The following SMARCC1 variants were observed in gnomAD, a reference collection of about 807,000 sequenced individuals.
SMARCC1 encodes SWI/SNF related BAF chromatin remodeling complex subunit C1.
In SMARCC1, 43 loss-of-function variants were observed where a neutral mutation model predicts 147.4. The observed-to-expected ratio is 0.29, with a 90% CI of 0.23 to 0.38. The LOEUF is 0.38. Ranked by LOEUF, SMARCC1 falls within the 10% of genes least tolerant of loss-of-function variation. The probability of loss-of-function intolerance (pLI) is 1.00; values close to 1 mark genes in which losing one functional copy is unlikely to be tolerated. For missense variants in SMARCC1, 1,119 were observed against 1,381.1 expected (o/e 0.81, Z 3.01); for synonymous variants, 495 against 484.4 (o/e 1.02, Z -0.29).
chr3:47,725,845 T>C (rs1408565606), intron 6 of SMARCC1, among the ~76,000 whole-genome samples: 2 of 150,214 alleles, frequency 1.3e-5, no homozygotes, highest in East Asian at 4.1e-4. Flanking sequence ...GTGAATCACC[T>C]GAGGTCAGGA....
chr3:47,761,161 G>T (rs1463968875), intron 2 of SMARCC1, among the ~76,000 whole-genome samples: 1 of 152,044 alleles, frequency 6.6e-6, no homozygotes, highest in Non-Finnish European at 1.5e-5. Flanking sequence ...GAAAAGCCAG[G>T]CGTGGTGGAA....
intron 14 of SMARCC1, among the ~76,000 whole-genome samples, chr3:47,682,125 C>G (rs149845853): frequency 2.0e-5 from 3 of 151,438 alleles, no homozygotes; most frequent in East Asian, 3.9e-4. Flanking sequence ...GAAACCCCGT[C>G]TCTACTAAAA....
At chr3:47,593,285 C>T (rs1233849401) in intron 26 of SMARCC1, among the ~76,000 whole-genome samples, 2 of 151,866 alleles carry the variant, frequency 1.3e-5, no homozygotes, top group African/African-American at 2.4e-5. Context: ...AATTCTTCTG[C>T]CTCAGCCGCC....
intron 2 of SMARCC1, among the ~76,000 whole-genome samples, chr3:47,749,794 G>A (rs940636998): frequency 1.3e-5 from 2 of 149,676 alleles, no homozygotes; most frequent in African/African-American, 4.9e-5. Flanking sequence ...AGAGGGAGGG[G>A]GCAGGCAAAT....
intron 21 of SMARCC1, among the ~76,000 whole-genome samples, chr3:47,651,662 T>C (rs527697531): frequency 2.0e-5 from 3 of 152,336 alleles, no homozygotes; most frequent in South Asian, 4.1e-4. Flanking sequence ...TTCCCACACT[T>C]TACTCATATC....
At chr3:47,661,604 G>A (rs2033348336) in intron 20 of SMARCC1, 149 bp from the exon 21 acceptor site, 2 of 541,724 alleles carry the variant, frequency 3.7e-6, no homozygotes, top group Non-Finnish European at 6.4e-6. Context: ...CCAGAAAAAT[G>A]AGAGGACTAA....
chr3:47,652,165 G>A (rs1160024031), intron 21 of SMARCC1, among the ~76,000 whole-genome samples: 2 of 151,974 alleles, frequency 1.3e-5, no homozygotes, highest in Non-Finnish European at 2.9e-5. Context: ...TTGTAGAGAT[G>A]GGGTCTTGCT....
Position 47,671,359 on chromosome 3 carries a change from C to T in SMARCC1, c.1840-642G>A, listed in dbSNP as rs149268811. 1.7e-3 allele frequency among the ~76,000 whole-genome samples: 260 copies of T among 152,154 alleles called. 3 individuals carry two copies. The South Asian group carries it at 0.032, about 19-fold the overall frequency. On this transcript the variant is annotated intron_variant, in intron 18 of 27. Transcript: ENST00000254480. ...ATACCATAAATCAGCTGTAATATCA[C>T]AAACATAGTACACATCTTGGTAATA...
chr3:47,716,027 CTA>C (rs751983530), intron 7 of SMARCC1, among the ~76,000 whole-genome samples: 1 of 151,346 alleles, frequency 6.6e-6, no homozygotes, highest in Non-Finnish European at 1.5e-5. Flanking sequence ...GTGAATATCA[CTA>C]TACTGACCAG....
intron 26 of SMARCC1, among the ~76,000 whole-genome samples, chr3:47,594,236 T>G (rs928619659): frequency 1.3e-5 from 2 of 152,098 alleles, no homozygotes; most frequent in African/African-American, 4.8e-5. Flanking sequence ...ACATCAACAT[T>G]ATGACCCAGA....
rs993608289 is a variant in SMARCC1, at chr3:47,769,667, G to C, written c.315+3150C>G. On this transcript the variant is annotated intron_variant, in intron 2 of 27. Coordinates refer to ENST00000254480, the MANE Select transcript of SMARCC1 (RefSeq NM_003074.4). Reference sequence around the variant, plus strand: ...AATATTTCCTGACATCACCAAGTAAGTCAAAGGCTCTACTCACACAGCTCA... The same window carrying C: ...AATATTTCCTGACATCACCAAGTAACTCAAAGGCTCTACTCACACAGCTCA... Among the ~76,000 whole-genome samples the C allele has an allele frequency of 3.9e-5, 6 of 152,208 alleles. No homozygotes were observed. The South Asian group carries it at 1.2e-3, about 32-fold the overall frequency.
At chr3:47,608,598 C>A (rs2032514755) in intron 26 of SMARCC1, among the ~76,000 whole-genome samples, 1 of 152,040 alleles carries the variant, frequency 6.6e-6, no homozygotes, top group Non-Finnish European at 1.5e-5. Context: ...GTAATCCCAG[C>A]ACTTTGGAAG....
intron 19 of SMARCC1, among the ~76,000 whole-genome samples, chr3:47,664,228 A>G (rs1451245324): frequency 6.6e-6 from 1 of 151,808 alleles, no homozygotes; most frequent in Non-Finnish European, 1.5e-5. Flanking sequence ...TGAGATACTT[A>G]GGAGGAATAA....
chr3:47,663,630 C>T (rs1346441584), intron 19 of SMARCC1: 2 of 1,508,190 alleles, frequency 1.3e-6, no homozygotes, highest in South Asian at 1.1e-5. Context: ...GACTCCGGCC[C>T]TGTGATTCCA....
Position 47,706,584 on chromosome 3 carries a change from A to G in SMARCC1, c.919-54T>C, listed in dbSNP as rs1031708936. 2.5e-5 allele frequency: 36 copies of G among 1,464,080 alleles called. No homozygotes were observed. The South Asian group carries it at 2.5e-4, about 10-fold the overall frequency. 90.7% of individuals were successfully genotyped at this position (1,464,080 alleles called of 1,614,324 possible). The stretch of plus-strand genomic sequence containing the variant: ...CAGCTATCTTTGCTCCTCAGTTTCT[A>G]CAAATCCTTGGCAAAAGGTGAATCT... On this transcript the variant is annotated intron_variant, in intron 9 of 27. Transcript: ENST00000254480.
chr3:47,640,053 AG>A (rs2033028786), intron 21 of SMARCC1, among the ~76,000 whole-genome samples: 1 of 152,170 alleles, frequency 6.6e-6, no homozygotes, highest in Non-Finnish European at 1.5e-5. Context: ...CAATGAAATT[AG>A]ATGTTTAAAA....
chr3:47,602,353 G>A (rs1056646028), intron 26 of SMARCC1, among the ~76,000 whole-genome samples: 16 of 152,138 alleles, frequency 1.1e-4, no homozygotes, highest in African/African-American at 2.7e-4. Context: ...GCTGGAGTGC[G>A]GTGGCACAAT....
intron 1 of SMARCC1, among the ~76,000 whole-genome samples, chr3:47,777,278 G>A (rs1008300954): frequency 9.8e-5 from 14 of 143,382 alleles, no homozygotes; most frequent in Non-Finnish European, 3.1e-5. Flanking sequence ...AGACGGGGTT[G>A]CACCATGTTG....
chr3:47,633,779 T>TATACACACACACACACAC (rs1367543059), intron 24 of SMARCC1, among the ~76,000 whole-genome samples: 11 of 28,872 alleles, frequency 3.8e-4, no homozygotes, highest in Non-Finnish European at 6.9e-4. Flanking sequence ...TATATATATA[T>TATACACACACACACACAC]ACACACACAC....
Sources: allele counts gnomAD v4.1 joint callset (sites outside exome capture counted in the v4.1 genomes callset), GRCh38; gene constraint gnomAD v4.1.1; transcripts MANE v1.5; gene names NCBI Gene and HGNC (gene_info 2026-07-23, HGNC 2026-07-21).